VMA12: variants seen among roughly 807,000 people sequenced by gnomAD.
VMA12 encodes the protein vacuolar ATPase assembly factor VMA12, also known as vacuolar ATPase assembly protein VMA12.
chr17:28,360,458 T>A, the VMA12 span: 2 of 1,268,962 alleles, frequency 1.6e-6, no homozygotes, highest in African/African-American at 6.8e-5. Context: ...TAGAGAGGGC[T>A]GAGCCAGACT....
At chr17:28,361,325 C>T in the VMA12 span, 1 of 1,451,726 alleles carries the variant, frequency 6.9e-7, no homozygotes, top group Non-Finnish European at 9.7e-7. Flanking sequence ...CCGACTCAGT[C>T]AACCCATCAG....
the VMA12 span, chr17:28,358,506 C>A: frequency 3.4e-5 from 16 of 473,992 alleles, no homozygotes; most frequent in South Asian, 2.3e-4. Context: ...GCCAGAAGTG[C>A]AAAGGGTAGA....
chr17:28,363,633 C>G, the VMA12 span: 1 of 152,272 alleles, frequency 6.6e-6, no homozygotes, highest in Non-Finnish European at 1.5e-5. Flanking sequence ...AGCCCCACAT[C>G]AGAGGGCATC....
the VMA12 span, chr17:28,358,827 T>C: frequency 6.0e-6 from 6 of 998,258 alleles, no homozygotes; most frequent in Middle Eastern, 2.1e-4. Context: ...TGTTTTATTT[T>C]GGTAGAAAGA....
At chr17:28,358,185 C>A in the VMA12 span, 1 of 443,322 alleles carries the variant, frequency 2.3e-6, no homozygotes, top group East Asian at 4.7e-5. Context: ...GGTTTTGTCT[C>A]TTCTTTTTCT....
At chr17:28,360,691 G>A in the VMA12 span, 2 of 1,605,812 alleles carry the variant, frequency 1.2e-6, no homozygotes, top group Non-Finnish European at 1.7e-6. Context: ...GCACCTCCTA[G>A]AGAATGTTGA....
chr17:28,361,408 T>C, the VMA12 span: 125 of 647,112 alleles, frequency 1.9e-4, no homozygotes, highest in Non-Finnish European at 2.9e-4. Context: ...GGAGCCCTAA[T>C]CTTCTGTGAA....
At chr17:28,361,486 C>T in the VMA12 span, 2 of 504,372 alleles carry the variant, frequency 4.0e-6, no homozygotes, top group Non-Finnish European at 7.2e-6. Context: ...TGGTCTTGGT[C>T]TATCAGTACC....
chr17:28,359,197 A>C, the VMA12 span: 4 of 1,112,260 alleles, frequency 3.6e-6, no homozygotes, highest in Non-Finnish European at 5.2e-6. Context: ...TGGAGTTACG[A>C]CTAGTATGTG....
the VMA12 span, chr17:28,358,009 A>G: frequency 1.5e-5 from 14 of 961,926 alleles, no homozygotes; most frequent in South Asian, 2.1e-4. Flanking sequence ...CACTCCATAA[A>G]TCCCAGGGCC....
chr17:28,358,555 G>C, the VMA12 span: 4 of 482,506 alleles, frequency 8.3e-6, no homozygotes, highest in African/African-American at 7.9e-5. Context: ...CTTAGAAAGA[G>C]ATTGCCTAGT....
At chr17:28,362,150 C>G in the VMA12 span, 1 of 151,578 alleles carries the variant, frequency 6.6e-6, no homozygotes, top group African/African-American at 2.4e-5. Context: ...TCCTGGTACA[C>G]TCTTTTTGGT....
chr17:28,359,371 A>G, the VMA12 span: 2 of 1,614,156 alleles, frequency 1.2e-6, no homozygotes, highest in Non-Finnish European at 1.7e-6. Context: ...CCAATGAGGA[A>G]TATAAACGGA....
the VMA12 span, chr17:28,358,069 T>C: frequency 1.5e-6 from 1 of 651,878 alleles, no homozygotes; most frequent in East Asian, 2.8e-5. Context: ...ACAAATTTGC[T>C]TGTGCAGTTT....
chr17:28,358,963 C>T, the VMA12 span: 1 of 1,612,796 alleles, frequency 6.2e-7, no homozygotes. Flanking sequence ...TGAAATCTAT[C>T]TCCCAGAGGT....
the VMA12 span, chr17:28,358,259 A>C: frequency 1.2e-5 from 5 of 401,656 alleles, no homozygotes; most frequent in Non-Finnish European, 2.5e-5. Flanking sequence ...CCACCTCAAA[A>C]GCAAGAGTGG....
the VMA12 span, chr17:28,361,551 G>A: frequency 6.0e-6 from 2 of 334,476 alleles, no homozygotes; most frequent in Non-Finnish European, 1.1e-5. Context: ...AACACTGCTG[G>A]GACTAGGGTT....
At chr17:28,361,418 AT>A in the VMA12 span, 1 of 627,882 alleles carries the variant, frequency 1.6e-6, no homozygotes, top group Non-Finnish European at 2.8e-6. Flanking sequence ...TCTTCTGTGA[AT>A]TTCCAAAGGG....
chr17:28,361,177 C>T, the VMA12 span: 6 of 1,613,954 alleles, frequency 3.7e-6, no homozygotes, highest in East Asian at 2.2e-5. Flanking sequence ...CTGCATTGAT[C>T]GTCGCCTCTG....
Sources: gnomAD v4.1 joint callset for allele counts on GRCh38, gnomAD v4.1.1 for gene constraint, MANE v1.5 for transcripts, NCBI Gene and HGNC (gene_info 2026-07-23, HGNC 2026-07-21) for gene names.